The following ATRNL1 variants were observed in gnomAD, a reference collection of about 807,000 sequenced individuals.
The protein encoded by ATRNL1 is attractin like 1.
In ATRNL1, 95 loss-of-function variants were observed where a neutral mutation model predicts 182.7. The observed-to-expected ratio is 0.52, with a 90% CI of 0.44 to 0.62. The LOEUF (loss-of-function observed/expected upper bound fraction) is 0.62, where lower values mean the gene tolerates loss of function less well. ATRNL1 is among the 20% of genes least tolerant of loss of function. The probability of loss-of-function intolerance (pLI) is 0.00; values close to 1 mark genes in which losing one functional copy is unlikely to be tolerated. For missense variants in ATRNL1, 1,471 were observed against 1,679.5 expected, an observed-to-expected ratio of 0.88 and a Z score of 2.17; for synonymous variants, 576 against 568.3, an observed-to-expected ratio of 1.01 and a Z score of -0.19.
intron 18 of ATRNL1, among the ~76,000 whole-genome samples, chr10:115,331,693 G>A (rs1406349725): frequency 1.3e-5 from 2 of 151,114 alleles, no homozygotes; most frequent in Admixed American, 6.6e-5. Context: ...TTTGCAGTCT[G>A]GATTTGTTTG....
chr10:115,798,615 C>G (rs527607354), intron 27 of ATRNL1, among the ~76,000 whole-genome samples: 2 of 152,304 alleles, frequency 1.3e-5, no homozygotes, highest in South Asian at 4.1e-4. Context: ...CTCATCTACA[C>G]CTCCATGCCT....
chr10:115,764,803 A>G (rs1474754056), intron 27 of ATRNL1, among the ~76,000 whole-genome samples: 1 of 151,984 alleles, frequency 6.6e-6, no homozygotes, highest in Non-Finnish European at 1.5e-5. Flanking sequence ...CCTCCCAAGT[A>G]GCTGGATTAC....
rs35735636 is a variant in ATRNL1 at position 115,598,350 on chromosome 10, A to ATTATTTATTTATTTATTTAT, written c.3795+48825_3795+48844dup. On this transcript the variant is annotated intron_variant, in intron 26 of 28. Coordinates refer to ENST00000355044, the MANE Select transcript of ATRNL1 (RefSeq NM_207303.4). Reference sequence around the variant, plus strand: ...CATTTTACATTATTTATTTAAAAAAATTATTTATTTATTTATTTATTTATT... The same window carrying ATTATTTATTTATTTATTTAT: ...CATTTTACATTATTTATTTAAAAAAATTATTTATTTATTTATTTATTTATTTATTTATTTATTTATTTATT... 8.3e-3 allele frequency among the ~76,000 whole-genome samples: 1,208 copies of ATTATTTATTTATTTATTTAT among 145,840 alleles called. 14 individuals carry two copies. Among genetic ancestry groups the ATTATTTATTTATTTATTTAT allele is most frequent in the African/African-American group, 0.029 (1,136 of 38,768 alleles).
At chr10:115,598,377 A>ATTTATTTATTTATTTAT (rs1555014872) in intron 26 of ATRNL1, among the ~76,000 whole-genome samples, 1 of 150,986 alleles carries the variant, frequency 6.6e-6, no homozygotes, top group Non-Finnish European at 1.5e-5. Context: ...TTATTTATTT[A>ATTTATTTATTTATTTAT]TTTTGAGACG....
chr10:115,549,625 A>T lies in ATRNL1; in HGVS notation c.3795+89A>T, dbSNP rs1852851782. The T allele has an allele frequency of 9.5e-6, 8 of 841,430 alleles. 1 individual carries two copies. Among genetic ancestry groups the T allele is most frequent in the Non-Finnish European group, 1.4e-5 (8 of 583,974 alleles). 52.1% of individuals were successfully genotyped at this position (841,430 alleles called of 1,614,324 possible). On this transcript the variant is annotated intron_variant, in intron 26 of 28. Transcript: ENST00000355044. ...CTGTTAATTACCATGCTCTCTTGGA[A>T]TGCAGAATTTCAAATCATTTTTACA...
At chr10:115,921,456 C>T (rs1240765639) in intron 28 of ATRNL1, among the ~76,000 whole-genome samples, 1 of 152,090 alleles carries the variant, frequency 6.6e-6, no homozygotes, top group Non-Finnish European at 1.5e-5. Flanking sequence ...AAGAAGAAAA[C>T]TCTAGGAATT....
chr10:115,803,855 A>G (rs1457498037), intron 27 of ATRNL1, among the ~76,000 whole-genome samples: 1 of 152,152 alleles, frequency 6.6e-6, no homozygotes, highest in East Asian at 1.9e-4. Flanking sequence ...TGCACTCATT[A>G]ACATCTCCTT....
At chr10:115,686,277 G>T (rs1209121652) in intron 26 of ATRNL1, among the ~76,000 whole-genome samples, 1 of 151,910 alleles carries the variant, frequency 6.6e-6, no homozygotes, top group Admixed American at 6.6e-5. Flanking sequence ...CTTTGAGAAA[G>T]AAAACAGTAC....
intron 27 of ATRNL1, among the ~76,000 whole-genome samples, chr10:115,757,344 G>T (rs540096751): frequency 6.6e-6 from 1 of 152,246 alleles, no homozygotes; most frequent in East Asian, 1.9e-4. Flanking sequence ...GCTCTTGTAA[G>T]GTAGGCCTGG....
chr10:115,097,126 A>G (rs868960880), intron 1 of ATRNL1, among the ~76,000 whole-genome samples: 1 of 152,142 alleles, frequency 6.6e-6, no homozygotes, highest in South Asian at 2.1e-4. Context: ...TTAGTCAAAT[A>G]TAAAGGGGTA....
At chr10:115,207,260 C>T (rs552484200) in intron 8 of ATRNL1, among the ~76,000 whole-genome samples, 5 of 152,248 alleles carry the variant, frequency 3.3e-5, no homozygotes, top group African/African-American at 1.2e-4. Flanking sequence ...TGAGGAATCA[C>T]CACACTGTCT....
chr10:115,103,983 G>C (rs1554865286), intron 1 of ATRNL1, among the ~76,000 whole-genome samples: 1 of 152,146 alleles, frequency 6.6e-6, no homozygotes, highest in East Asian at 1.9e-4. Flanking sequence ...TGGCTGTTGT[G>C]AATAGAGCTG....
At chr10:115,442,180 T>TATC (rs1244610621) in intron 21 of ATRNL1, among the ~76,000 whole-genome samples, 2 of 152,100 alleles carry the variant, frequency 1.3e-5, no homozygotes, top group East Asian at 3.9e-4. Flanking sequence ...TTTCTGACTT[T>TATC]ATCTCTTACA....
At chr10:115,653,972 A>G (rs1860167261) in intron 26 of ATRNL1, among the ~76,000 whole-genome samples, 1 of 152,218 alleles carries the variant, frequency 6.6e-6, no homozygotes, top group South Asian at 2.1e-4. Context: ...GAATACTGAT[A>G]TTAAATATGA....
intron 25 of ATRNL1, among the ~76,000 whole-genome samples, chr10:115,522,412 A>G (rs1445518750): frequency 6.6e-6 from 1 of 152,114 alleles, no homozygotes; most frequent in African/African-American, 2.4e-5. Context: ...TTGGGAACTA[A>G]TAGAGTGAGA....
chr10:115,255,279 C>A (rs1851070850), intron 10 of ATRNL1, among the ~76,000 whole-genome samples: 1 of 152,126 alleles, frequency 6.6e-6, no homozygotes, highest in African/African-American at 2.4e-5. Context: ...ATGGAATATT[C>A]TTCCATTTGT....
chr10:115,414,588 A>G (rs1464536761), intron 20 of ATRNL1, among the ~76,000 whole-genome samples: 1 of 151,872 alleles, frequency 6.6e-6, no homozygotes, highest in Non-Finnish European at 1.5e-5. Context: ...CAGAGAGATT[A>G]TTGTTCATTT....
chr10:115,547,265 T>A (rs11197290), intron 25 of ATRNL1, among the ~76,000 whole-genome samples: 6,934 of 104,540 alleles, frequency 0.066, 188 homozygotes, highest in African/African-American at 0.079. Flanking sequence ...AAAAAAAAAA[T>A]ATATATATAT....
intron 26 of ATRNL1, among the ~76,000 whole-genome samples, chr10:115,686,352 G>T (rs1946219689): frequency 6.6e-6 from 1 of 151,956 alleles, no homozygotes; most frequent in Admixed American, 6.6e-5. Flanking sequence ...GAGAATTCTA[G>T]CCTCACCATT....
Sources: gnomAD v4.1 joint callset for allele counts (sites outside exome capture counted in the v4.1 genomes callset) on GRCh38, gnomAD v4.1.1 for gene constraint, MANE v1.5 for transcripts, NCBI Gene and HGNC (gene_info 2026-07-23, HGNC 2026-07-21) for gene names.